CYP7B1: variants seen among roughly 807,000 people sequenced by gnomAD.
CYP7B1 encodes the protein cytochrome P450 family 7 subfamily B member 1, also known as cytochrome P450 7B1.
A neutral mutation model predicts 42.7 loss-of-function variants in CYP7B1; 29 were observed. The observed-to-expected ratio is 0.68, with a 90% confidence interval of 0.51 to 0.93. The LOEUF is 0.93. Among genes scored for constraint, CYP7B1 ranks in the 40% least tolerant of loss-of-function variants. The pLI is 0.00. For synonymous variants in CYP7B1, 235 were observed against 218.2 expected, an observed-to-expected ratio of 1.08 and a Z score of -0.68; for missense variants, 655 against 600.5, an observed-to-expected ratio of 1.09 and a Z score of -0.95.
chr8:64,645,275 C>T (rs1487653892), intron 1 of CYP7B1, among the ~76,000 whole-genome samples: 1 of 151,760 alleles, frequency 6.6e-6, no homozygotes, highest in African/African-American at 2.4e-5. Flanking sequence ...GGTATATACC[C>T]AGTAATGGGA....
At chr8:64,709,155 T>C (rs1262331713) in intron 1 of CYP7B1, among the ~76,000 whole-genome samples, 3 of 152,208 alleles carry the variant, frequency 2.0e-5, no homozygotes, top group Non-Finnish European at 4.4e-5. Flanking sequence ...GGGTGTGTGC[T>C]CTGAAGACAC....
intron 1 of CYP7B1, among the ~76,000 whole-genome samples, chr8:64,782,426 A>T (rs1241346865): frequency 6.6e-6 from 1 of 152,162 alleles, no homozygotes; most frequent in Non-Finnish European, 1.5e-5. Flanking sequence ...GCCACCATCT[A>T]TGAGGAATGG....
chr8:64,733,873 G>C (rs1807449100), intron 1 of CYP7B1, among the ~76,000 whole-genome samples: 1 of 152,076 alleles, frequency 6.6e-6, no homozygotes, highest in African/African-American at 2.4e-5. Context: ...TGGAGGCTAA[G>C]GAAGGAGGAT....
rs564270928 is a variant in CYP7B1 at position 64,625,175 on chromosome 8, G to A, written c.123-636C>T. 3.3e-5 allele frequency among the ~76,000 whole-genome samples: 5 copies of A among 151,936 alleles called. No individual in the cohort carries two copies. In the South Asian group the frequency reaches 8.3e-4, roughly 25 times the overall value. On this transcript the variant is annotated intron_variant, in intron 1 of 5. Transcript: ENST00000310193. ...TTTTTAGTAGAGAGGGGGTTTCACC[G>A]TGTTAGCCAGGATGGCCTTGATCTC...
intron 1 of CYP7B1, among the ~76,000 whole-genome samples, chr8:64,661,397 A>C (rs1409663466): frequency 6.6e-6 from 1 of 152,244 alleles, no homozygotes; most frequent in Non-Finnish European, 1.5e-5. Flanking sequence ...CCGTCAGCTC[A>C]AGAACTTTGG....
At chr8:64,604,236 GGC>G in intron 5 of CYP7B1, among the ~76,000 whole-genome samples, 1 of 152,230 alleles carries the variant, frequency 6.6e-6, no homozygotes, top group South Asian at 2.1e-4. Context: ...AAAGTATATG[GGC>G]TTAACTACAG....
chr8:64,698,968 TA>T (rs1563396353), intron 1 of CYP7B1, among the ~76,000 whole-genome samples: 1 of 152,184 alleles, frequency 6.6e-6, no homozygotes. Flanking sequence ...AGATGCCCTC[TA>T]ATCATAGGTT....
chr8:64,728,540 CTTCCGGATGTA>C (rs1481875018), intron 1 of CYP7B1, among the ~76,000 whole-genome samples: 1 of 152,170 alleles, frequency 6.6e-6, no homozygotes, highest in East Asian at 1.9e-4. Flanking sequence ...AAGACTTCTC[CTTCCGGATGTA>C]TTCAAATTTT....
chr8:64,599,390 G>A (rs747280437), intron 5 of CYP7B1, among the ~76,000 whole-genome samples: 12 of 152,120 alleles, frequency 7.9e-5, no homozygotes, highest in African/African-American at 1.7e-4. Flanking sequence ...GGGTTTCACC[G>A]CGTTAACCAG....
intron 1 of CYP7B1, among the ~76,000 whole-genome samples, chr8:64,673,826 A>G (rs1326146943): frequency 6.6e-6 from 1 of 152,104 alleles, no homozygotes; most frequent in East Asian, 1.9e-4. Context: ...TTCTCAGCAA[A>G]TGTAACCATT....
intron 1 of CYP7B1, among the ~76,000 whole-genome samples, chr8:64,670,829 C>A (rs749017273): frequency 1.3e-5 from 2 of 152,124 alleles, no homozygotes; most frequent in Non-Finnish European, 1.5e-5. Context: ...CTTTGCTCAT[C>A]CCTTCCTTTC....
chr8:64,693,956 C>G (rs1806786636), intron 1 of CYP7B1, among the ~76,000 whole-genome samples: 1 of 152,166 alleles, frequency 6.6e-6, no homozygotes, highest in Non-Finnish European at 1.5e-5. Flanking sequence ...AGATGATAAC[C>G]AGGTCTCTTG....
At chr8:64,733,644 G>T (rs1241651687) in intron 1 of CYP7B1, among the ~76,000 whole-genome samples, 5 of 152,110 alleles carry the variant, frequency 3.3e-5, no homozygotes, top group Admixed American at 3.3e-4. Context: ...GAAGGTACTT[G>T]GAAATTTCTA....
At chr8:64,732,734 C>T (rs2129633108) in intron 1 of CYP7B1, 1 of 152,262 alleles carries the variant, frequency 6.6e-6, no homozygotes, top group Non-Finnish European at 1.5e-5. Context: ...TGGAAGGAAA[C>T]TTGTGGGAGG....
downstream of CYP7B1, among the ~76,000 whole-genome samples, chr8:64,589,308 G>A (rs1805005840): frequency 1.3e-5 from 2 of 152,270 alleles, no homozygotes; most frequent in Admixed American, 6.5e-5. Flanking sequence ...TGTTTAGTCC[G>A]AGTACCTCCT....
At chr8:64,681,953 G>A (rs961690372) in intron 1 of CYP7B1, among the ~76,000 whole-genome samples, 5 of 152,198 alleles carry the variant, frequency 3.3e-5, no homozygotes, top group African/African-American at 1.2e-4. Context: ...TAAATATGGT[G>A]CACTGAGTTG....
chr8:64,776,417 T>A (rs1038874301), intron 1 of CYP7B1, among the ~76,000 whole-genome samples: 1 of 152,146 alleles, frequency 6.6e-6, no homozygotes, highest in African/African-American at 2.4e-5. Context: ...ACAACCAATT[T>A]TTCAGGATTA....
rs576802198 is a variant in CYP7B1 at position 64,776,141 on chromosome 8, G to C, written c.122+22325C>G. On this transcript the variant is annotated intron_variant, in intron 1 of 5. Transcript: ENST00000310193. The stretch of plus-strand genomic sequence containing the variant: ...GAAGACCTGGAAACAGTAGTTCGAA[G>C]AGGAAAGTGCTTACTGCCATTGATG... Among the ~76,000 whole-genome samples the C allele has an allele frequency of 2.6e-5, 4 of 152,252 alleles. No homozygotes were observed. In the South Asian group the frequency reaches 6.2e-4, roughly 24 times the overall value.
intron 2 of CYP7B1, among the ~76,000 whole-genome samples, chr8:64,622,445 T>C (rs1392846955): frequency 6.6e-6 from 1 of 152,170 alleles, no homozygotes; most frequent in African/African-American, 2.4e-5. Context: ...TAGCAGAGTA[T>C]TTCAGGAAGG....
Sources: allele counts gnomAD v4.1 joint callset (sites outside exome capture counted in the v4.1 genomes callset), GRCh38; gene constraint gnomAD v4.1.1; transcripts MANE v1.5; gene names NCBI Gene and HGNC (gene_info 2026-07-23, HGNC 2026-07-21).